STK39: variants seen among roughly 807,000 people sequenced by gnomAD.
STK39 encodes the protein STE20/SPS1-related proline-alanine-rich protein kinase.
In STK39, 20 loss-of-function variants were observed where a neutral mutation model predicts 77.8. That is an observed-to-expected ratio of 0.26 (90% CI 0.18 to 0.37). The LOEUF (loss-of-function observed/expected upper bound fraction) is 0.37. Ranked by LOEUF, STK39 falls within the 10% of genes least tolerant of loss-of-function variation. The probability of loss-of-function intolerance (pLI) is 1.00; values close to 1 mark genes in which losing one functional copy is unlikely to be tolerated. For synonymous variants in STK39, 246 were observed against 234.1 expected (o/e 1.05, Z -0.47); for missense variants, 479 against 656.5 (o/e 0.73, Z 2.95).
At chr2:168,196,126 C>T (rs1035577319) in intron 1 of STK39, among the ~76,000 whole-genome samples, 1 of 152,220 alleles carries the variant, frequency 6.6e-6, no homozygotes, top group Non-Finnish European at 1.5e-5. Flanking sequence ...TAATGCCTTC[C>T]TCACACTAAG....
intron 8 of STK39, among the ~76,000 whole-genome samples, chr2:168,136,284 A>G (rs1246788628): frequency 1.3e-5 from 2 of 151,106 alleles, no homozygotes; most frequent in Admixed American, 6.6e-5. Context: ...CAGGAGAATC[A>G]CTTGAACCCG....
chr2:168,165,643 T>C (rs1688676585), intron 3 of STK39, among the ~76,000 whole-genome samples: 1 of 151,320 alleles, frequency 6.6e-6, no homozygotes, highest in Non-Finnish European at 1.5e-5. Flanking sequence ...CAATGACTAA[T>C]AAGACTGAGG....
intron 16 of STK39, among the ~76,000 whole-genome samples, chr2:168,005,291 C>CT (rs1559053361): frequency 6.6e-6 from 1 of 152,056 alleles, no homozygotes; most frequent in Non-Finnish European, 1.5e-5. Context: ...CAGGTGTGAG[C>CT]TACCATTCCT....
intron 14 of STK39, among the ~76,000 whole-genome samples, chr2:168,047,476 G>A (rs1365595437): frequency 4.6e-5 from 7 of 152,162 alleles, no homozygotes. Flanking sequence ...TCAGCTTTTT[G>A]ACTGAGCTGA....
chr2:168,057,484 C>T (rs1052248163), intron 14 of STK39, among the ~76,000 whole-genome samples: 4 of 152,172 alleles, frequency 2.6e-5, no homozygotes, highest in Non-Finnish European at 5.9e-5. Flanking sequence ...TGAGCCACCG[C>T]GCCTGGCCCT....
intron 16 of STK39, among the ~76,000 whole-genome samples, chr2:167,969,522 C>G (rs1692264004): frequency 6.6e-6 from 1 of 152,234 alleles, no homozygotes; most frequent in South Asian, 2.1e-4. Context: ...CTCTCTACCC[C>G]TACACTCTTA....
At chr2:168,190,160 C>A (rs1414330653) in intron 1 of STK39, among the ~76,000 whole-genome samples, 1 of 152,148 alleles carries the variant, frequency 6.6e-6, no homozygotes, top group Non-Finnish European at 1.5e-5. Flanking sequence ...TAGACCACTG[C>A]CTGGAACACA....
At chr2:167,986,484 A>C (rs763835598) in intron 16 of STK39, among the ~76,000 whole-genome samples, 4 of 152,208 alleles carry the variant, frequency 2.6e-5, no homozygotes, top group Non-Finnish European at 5.9e-5. Flanking sequence ...CCTCACGTGC[A>C]TATGAAACAT....
intron 13 of STK39, among the ~76,000 whole-genome samples, chr2:168,064,361 G>T (rs1264591737): frequency 6.6e-6 from 1 of 152,100 alleles, no homozygotes; most frequent in Non-Finnish European, 1.5e-5. Flanking sequence ...AATCCCTACA[G>T]TTTATCTCAA....
At chr2:168,203,655 C>G (rs1017904124) in intron 1 of STK39, among the ~76,000 whole-genome samples, 1 of 152,204 alleles carries the variant, frequency 6.6e-6, no homozygotes, top group Non-Finnish European at 1.5e-5. Context: ...TACAGTGGTA[C>G]AATCTCGGCT....
At chr2:168,230,061 A>T (rs1690414273) in intron 1 of STK39, among the ~76,000 whole-genome samples, 1 of 152,216 alleles carries the variant, frequency 6.6e-6, no homozygotes. Flanking sequence ...TGTGAAAAAC[A>T]AAAGTTAGAT....
rs1285852195 is a variant in STK39, at chr2:168,138,130, C to T, written c.932G>A (p.Arg311Lys). The change falls in exon 8 of 18, where the codon AGA (arginine) becomes AAA (lysine). Residue 311 changes from arginine (R) to lysine (K), a missense_variant. Arg to Lys is a conservative substitution (Grantham distance 26, BLOSUM62 2). Around this residue, in one of 3 missense-constraint regions of STK39, gnomAD observed 244 missense variants for 296.8 expected, o/e 0.82. Transcript: ENST00000355999. ...CTGAAGACACAGTGAAAGTAATTTT[C>T]TAAAGGACTTGCCGTACTTTTTCAT... ...EMMKKYGKSF[R>K]KLLSLCLQKD... The T allele has an allele frequency of 6.2e-7, 1 of 1,614,022 alleles. No individual in the cohort carries two copies. The highest frequency in any genetic ancestry group is 1.7e-5 in the Admixed American group (1 of 60,026).
chr2:168,172,857 T>C (rs1688862856), intron 2 of STK39, among the ~76,000 whole-genome samples: 1 of 152,232 alleles, frequency 6.6e-6, no homozygotes, highest in African/African-American at 2.4e-5. Context: ...CAGTTAAATC[T>C]GAGGAGATGC....
At chr2:168,118,088 G>A (rs147302359) in intron 10 of STK39, among the ~76,000 whole-genome samples, 12 of 152,194 alleles carry the variant, frequency 7.9e-5, no homozygotes, top group Non-Finnish European at 1.0e-4. Context: ...GCCACCTACC[G>A]TAGGGAAGGT....
At chr2:168,197,758 G>A (rs1052973399) in intron 1 of STK39, among the ~76,000 whole-genome samples, 5 of 152,072 alleles carry the variant, frequency 3.3e-5, no homozygotes, top group East Asian at 1.9e-4. Flanking sequence ...CATACTGGCC[G>A]GGTGCAATGG....
intron 1 of STK39, among the ~76,000 whole-genome samples, chr2:168,219,879 T>C (rs1259473290): frequency 1.0e-5 from 1 of 98,686 alleles, no homozygotes; most frequent in Admixed American, 8.5e-5. Context: ...CTTTTTTTTT[T>C]TTTTTTGCAA....
At chr2:168,058,304 A>G (rs1053986674) in intron 14 of STK39, among the ~76,000 whole-genome samples, 1 of 152,022 alleles carries the variant, frequency 6.6e-6, no homozygotes, top group Non-Finnish European at 1.5e-5. Context: ...TTCTTCAAAC[A>G]CTTCCTCTAT....
chr2:167,988,840 G>GCTCT (rs1352679503), intron 16 of STK39, among the ~76,000 whole-genome samples: 1 of 152,140 alleles, frequency 6.6e-6, no homozygotes, highest in African/African-American at 2.4e-5. Context: ...GGAACAAAGA[G>GCTCT]GACTGAGAAG....
At chr2:168,016,974 C>T (rs1684426496) in intron 15 of STK39, 69 bp downstream of exon 15, 1 of 1,271,760 alleles carries the variant, frequency 7.9e-7, no homozygotes, top group Admixed American at 2.0e-5. Context: ...AGATTATAAC[C>T]ACATGCTTGT....
Sources: gnomAD v4.1 joint callset for allele counts (sites outside exome capture counted in the v4.1 genomes callset) on GRCh38, gnomAD v4.1.1 for gene constraint, gnomAD v4.1.1 regional missense constraint, MANE v1.5 for transcripts, NCBI Gene and HGNC (gene_info 2026-07-23, HGNC 2026-07-21) for gene names.